The following CSMD1 variants were observed in gnomAD, a reference collection of about 807,000 sequenced individuals.
CSMD1 encodes CUB and sushi domain-containing protein 1.
CSMD1 carries 213 observed loss-of-function variants against 417.5 expected under a neutral mutation model. The observed-to-expected ratio is 0.51, with a 90% CI of 0.46 to 0.57. The LOEUF (loss-of-function observed/expected upper bound fraction) is 0.57, where lower values mean the gene tolerates loss of function less well. Ranked by LOEUF, CSMD1 falls within the 20% of genes least tolerant of loss-of-function variation. The probability of loss-of-function intolerance (pLI) is 0.00; values close to 1 mark genes in which losing one functional copy is unlikely to be tolerated. For synonymous variants in CSMD1, 2,862 were observed against 1,736.8 expected, an observed-to-expected ratio of 1.65 and a Z score of -16.11; for missense variants, 6,923 against 4,529.7, an observed-to-expected ratio of 1.53 and a Z score of -15.17.
At chr8:3,768,652 G>A (rs563686893) in intron 5 of CSMD1, among the ~76,000 whole-genome samples, 3 of 152,272 alleles carry the variant, frequency 2.0e-5, no homozygotes, top group South Asian at 2.1e-4. Flanking sequence ...TGCTCCAGAA[G>A]CTCAGAACTT....
chr8:4,230,627 A>T (rs1026931028), intron 3 of CSMD1, among the ~76,000 whole-genome samples: 2 of 152,166 alleles, frequency 1.3e-5, no homozygotes, highest in Admixed American at 6.6e-5. Flanking sequence ...TTAAACCCCC[A>T]AATTTGTGAC....
chr8:4,193,921 A>G (rs1011745708), intron 3 of CSMD1, among the ~76,000 whole-genome samples: 1 of 151,860 alleles, frequency 6.6e-6, no homozygotes, highest in Non-Finnish European at 1.5e-5. Flanking sequence ...GAGAAAGTAC[A>G]ATGTTTAATG....
chr8:4,105,640 G>A lies in CSMD1; in HGVS notation c.416-73541C>T, dbSNP rs11987647. Among the ~76,000 whole-genome samples the A allele has an allele frequency of 2.2e-3, 332 of 152,322 alleles. 2 individuals carry two copies. The highest frequency in any genetic ancestry group is 7.7e-3 in the African/African-American group (319 of 41,576). ...AGGGAAAGCAAAGGGGATTGGAGTA[G>A]CAGGTGGAACGTGGTTTCTGACCCC... On this transcript the variant is annotated intron_variant, in intron 3 of 69. Transcript: ENST00000635120.
intron 1 of CSMD1, among the ~76,000 whole-genome samples, chr8:4,976,466 G>A (rs1045059564): frequency 6.6e-6 from 1 of 152,130 alleles, no homozygotes; most frequent in South Asian, 2.1e-4. Context: ...TACAAAAACT[G>A]ACTTCACAAT....
chr8:3,343,063 T>G lies in CSMD1; in HGVS notation c.3631+231A>C, dbSNP rs552606898. 5.3e-5 allele frequency among the ~76,000 whole-genome samples: 8 copies of G among 152,302 alleles called. No individual in the cohort carries two copies. The East Asian group carries it at 1.5e-3, about 29-fold the overall frequency. On this transcript the variant is annotated intron_variant, in intron 23 of 69. Transcript: ENST00000635120. Reference sequence around the variant, plus strand: ...TAAAATGTTGTAAGACGTTTCCTTTTCAGGTCCAACTATTTTGTTATTTGA... The same window carrying G: ...TAAAATGTTGTAAGACGTTTCCTTTGCAGGTCCAACTATTTTGTTATTTGA...
intron 9 of CSMD1, among the ~76,000 whole-genome samples, chr8:3,577,552 T>C (rs1800204331): frequency 6.6e-6 from 1 of 152,234 alleles, no homozygotes; most frequent in Admixed American, 6.5e-5. Context: ...TTGTGTCTGA[T>C]TTGTTCATTT....
chr8:4,866,249 C>A (rs903995938), intron 1 of CSMD1, among the ~76,000 whole-genome samples: 1 of 151,892 alleles, frequency 6.6e-6, no homozygotes, highest in South Asian at 2.1e-4. Flanking sequence ...TTGAAATTCA[C>A]ATTAAATCTC....
At chr8:3,029,186 C>T (rs1264942097) in intron 51 of CSMD1, 133 bp downstream of exon 51, 1 of 597,650 alleles carries the variant, frequency 1.7e-6, no homozygotes, top group Non-Finnish European at 2.7e-6. Flanking sequence ...AATGAAAAGA[C>T]AGGCCATTTG....
At chr8:4,894,969 G>C (rs886705444) in intron 1 of CSMD1, among the ~76,000 whole-genome samples, 5 of 152,158 alleles carry the variant, frequency 3.3e-5, no homozygotes, top group Non-Finnish European at 5.9e-5. Context: ...TCAGGGCTCA[G>C]CTTCCACTTT....
In CSMD1 at chr8:4,705,046, C is replaced by G. The variant is rs978496232; in HGVS notation, c.86-67488G>C. On this transcript the variant is annotated intron_variant, in intron 1 of 69. Transcript: ENST00000635120. ...TGGTAGTTATTTTTCCCATGCTGTTCTCATGCTAGTGGGTGAGTTCTCATC... is the reference window on the plus strand; with the variant it reads ...TGGTAGTTATTTTTCCCATGCTGTTGTCATGCTAGTGGGTGAGTTCTCATC... 3.9e-5 allele frequency among the ~76,000 whole-genome samples: 6 copies of G among 152,270 alleles called. No individual in the cohort carries two copies. In the East Asian group the frequency reaches 9.6e-4, roughly 24 times the overall value.
chr8:4,984,193 G>C (rs557900874), intron 1 of CSMD1, among the ~76,000 whole-genome samples: 1 of 152,310 alleles, frequency 6.6e-6, no homozygotes, highest in Admixed American at 6.5e-5. Context: ...AAAAACTCCA[G>C]AACAGCAAGA....
chr8:4,803,801 C>T (rs1409462679), intron 1 of CSMD1, among the ~76,000 whole-genome samples: 1 of 152,020 alleles, frequency 6.6e-6, no homozygotes. Context: ...TGTTGGTGCT[C>T]TACATTTGAG....
At chr8:3,413,741 C>G (rs1259015795) in intron 12 of CSMD1, among the ~76,000 whole-genome samples, 1 of 152,156 alleles carries the variant, frequency 6.6e-6, no homozygotes, top group Non-Finnish European at 1.5e-5. Flanking sequence ...ATATCACCTT[C>G]AGGTAGAGTA....
chr8:3,092,375 G>A (rs1212081188), intron 47 of CSMD1, among the ~76,000 whole-genome samples: 1 of 151,982 alleles, frequency 6.6e-6, no homozygotes, highest in African/African-American at 2.4e-5. Flanking sequence ...AATAAAAAAT[G>A]CAACATATAA....
chr8:4,975,124 T>C (rs1010799446), intron 1 of CSMD1, among the ~76,000 whole-genome samples: 12 of 152,150 alleles, frequency 7.9e-5, no homozygotes, highest in African/African-American at 2.7e-4. Context: ...ATAAAAAAGA[T>C]AATCAATGTG....
At chr8:2,989,593 T>G (rs769869187) in intron 54 of CSMD1, among the ~76,000 whole-genome samples, 19 of 152,232 alleles carry the variant, frequency 1.2e-4, no homozygotes, top group Non-Finnish European at 1.8e-4. Flanking sequence ...GAGTTTAAAA[T>G]GCATCAACGA....
At chr8:4,449,855 C>T (rs1385987093) in intron 2 of CSMD1, among the ~76,000 whole-genome samples, 3 of 152,146 alleles carry the variant, frequency 2.0e-5, no homozygotes, top group Admixed American at 2.0e-4. Flanking sequence ...TGACTTCATC[C>T]TCACCCAGTT....
chr8:3,218,186 G>C (rs1035346687), intron 29 of CSMD1, among the ~76,000 whole-genome samples: 5 of 152,164 alleles, frequency 3.3e-5, no homozygotes, highest in South Asian at 2.1e-4. Context: ...TCTGAGCAGC[G>C]TCAGAAACCT....
rs1278951989 is a variant in CSMD1 at position 3,096,852 on chromosome 8, C to G, written c.7135G>C (p.Asp2379His). The G allele has an allele frequency of 1.9e-6, 3 of 1,545,944 alleles. No homozygotes were observed. The highest frequency in any genetic ancestry group is 2.6e-6 in the Non-Finnish European group (3 of 1,143,568). ...TACAAAGATTAAAGAAACTTACCATCAAACACTTCCAGTGCATCAAACTGC... is the reference window on the plus strand; with the variant it reads ...TACAAAGATTAAAGAAACTTACCATGAAACACTTCCAGTGCATCAAACTGC... ...EKQFDALEVF[D>H]GSSGQSPLLV... Residue 2379 changes from aspartate to histidine, a missense_variant, in exon 47 of 70, where the codon GAT becomes CAT. By Grantham distance (81) the Asp-to-His change is moderately conservative. Coordinates refer to ENST00000635120, the MANE Select transcript of CSMD1 (RefSeq NM_033225.6).
Sources: allele counts gnomAD v4.1 joint callset (sites outside exome capture counted in the v4.1 genomes callset), GRCh38; gene constraint gnomAD v4.1.1; transcripts MANE v1.5; gene names NCBI Gene and HGNC (gene_info 2026-07-23, HGNC 2026-07-21).